Variants in FGD3 observed in about 807,000 individuals in gnomAD.
The protein encoded by FGD3 is FYVE, RhoGEF and PH domain containing 3.
FGD3 carries 45 observed loss-of-function variants against 71.8 expected under a neutral mutation model. That is an observed-to-expected ratio of 0.63 (90% CI 0.49 to 0.80). FGD3 has a LOEUF of 0.80. FGD3 is among the 30% of genes least tolerant of loss of function. The pLI, the probability that FGD3 is intolerant of heterozygous loss-of-function variation, is 0.00. For missense variants in FGD3, 844 were observed against 951.5 expected (o/e 0.89, Z 1.49); for synonymous variants, 378 against 392.8 (o/e 0.96, Z 0.44).
At chr9:92,988,175 C>T (rs1005018105) in intron 3 of FGD3, among the ~76,000 whole-genome samples, 7 of 152,188 alleles carry the variant, frequency 4.6e-5, no homozygotes, top group South Asian at 2.1e-4. Context: ...TGCCAACAGG[C>T]TCCCACCTCA....
At chr9:93,007,977 A>G (rs1034120933) in intron 6 of FGD3, among the ~76,000 whole-genome samples, 2 of 152,208 alleles carry the variant, frequency 1.3e-5, no homozygotes, top group East Asian at 3.9e-4. Flanking sequence ...ACAGGATCGC[A>G]TGACAGTCAA....
intron 14 of FGD3, among the ~76,000 whole-genome samples, chr9:93,028,413 T>G (rs1044775727): frequency 7.2e-5 from 11 of 152,026 alleles, no homozygotes; most frequent in African/African-American, 2.7e-4. Context: ...GATAAACATT[T>G]CTAGTGGCAG....
At chr9:92,948,653 T>G (rs571712395) in intron 1 of FGD3, among the ~76,000 whole-genome samples, 1 of 152,390 alleles carries the variant, frequency 6.6e-6, no homozygotes, top group South Asian at 2.1e-4. Flanking sequence ...TGTTGTGAAC[T>G]ATTAGGATGA....
At chr9:92,977,080 C>T (rs546362449) in intron 3 of FGD3, among the ~76,000 whole-genome samples, 3 of 152,270 alleles carry the variant, frequency 2.0e-5, no homozygotes, top group Non-Finnish European at 2.9e-5. Flanking sequence ...TGGGAGGAGA[C>T]GATGTGAGTG....
At chr9:93,029,592 A>T (rs1264132057) in intron 14 of FGD3, among the ~76,000 whole-genome samples, 1 of 152,228 alleles carries the variant, frequency 6.6e-6, no homozygotes, top group Non-Finnish European at 1.5e-5. Flanking sequence ...AGTTTCTCAG[A>T]TGCACCAGAT....
At chr9:93,034,200 G>T (rs761586251) in intron 16 of FGD3, 36 of 248,414 alleles carry the variant, frequency 1.4e-4, no homozygotes, top group Non-Finnish European at 2.4e-4. Flanking sequence ...GGTGTGTGTA[G>T]AACTGACACG....
intron 1 of FGD3, among the ~76,000 whole-genome samples, chr9:92,962,367 C>G (rs59834353): frequency 0.096 from 14,557 of 152,240 alleles, 974 homozygotes; most frequent in East Asian, 0.25. Context: ...CACAGGGGAC[C>G]TCTGTAGAGG....
chr9:92,986,556 C>T (rs1419076613), intron 3 of FGD3, among the ~76,000 whole-genome samples: 1 of 152,228 alleles, frequency 6.6e-6, no homozygotes, highest in Non-Finnish European at 1.5e-5. Context: ...TCCCTCTTGA[C>T]ATAAAAGAAG....
intron 14 of FGD3, among the ~76,000 whole-genome samples, chr9:93,027,759 C>T (rs1862173961): frequency 8.1e-6 from 1 of 123,290 alleles, no homozygotes; most frequent in South Asian, 2.7e-4. Context: ...TTGCTGTGCT[C>T]TCCAGGCTGG....
intron 1 of FGD3, among the ~76,000 whole-genome samples, chr9:92,956,700 T>A (rs1022727268): frequency 6.6e-6 from 1 of 152,210 alleles, no homozygotes; most frequent in African/African-American, 2.4e-5. Context: ...ATAACCAGGA[T>A]AAACTAAGAC....
intron 1 of FGD3, among the ~76,000 whole-genome samples, chr9:92,960,933 G>A (rs1434365831): frequency 1.3e-5 from 2 of 151,776 alleles, no homozygotes; most frequent in Non-Finnish European, 2.9e-5. Context: ...CTGGTGATTG[G>A]GTGCTCCCCC....
intron 1 of FGD3, among the ~76,000 whole-genome samples, chr9:92,959,692 G>A (rs1053428430): frequency 1.1e-4 from 15 of 130,932 alleles, no homozygotes; most frequent in African/African-American, 4.6e-4. Context: ...GGGCAACAGA[G>A]GGAAACTCAG....
intron 14 of FGD3, among the ~76,000 whole-genome samples, chr9:93,023,525 G>A (rs1445441309): frequency 1.3e-5 from 2 of 152,174 alleles, no homozygotes; most frequent in African/African-American, 4.8e-5. Flanking sequence ...ACACTGAAAC[G>A]AGGAAGTCTG....
At position 93,022,421 on chromosome 9, in the gene FGD3, G is replaced by A. The variant is rs1210618620; in HGVS notation, c.1557+32G>A. 5.0e-6 allele frequency: 8 copies of A among 1,606,852 alleles called. No individual in the cohort carries two copies. The African/African-American group carries it at 6.7e-5, about 13-fold the overall frequency. Reference sequence around the variant, plus strand: ...GCCCCATGCTCAGCGGTCAGCAGGGGTGAAAGGCAGAGCAGGGGGTCAGAC... The same window carrying A: ...GCCCCATGCTCAGCGGTCAGCAGGGATGAAAGGCAGAGCAGGGGGTCAGAC... On this transcript the variant is annotated intron_variant, in intron 14 of 17. Coordinates refer to ENST00000375482, the MANE Select transcript of FGD3 (RefSeq NM_001083536.2).
At position 93,003,917 on chromosome 9, in the gene FGD3, G is replaced by A; in HGVS notation, c.544-84G>A. ...GTGGCAGCAGCGGCCCCTCCCGAGC[G>A]CCCTCACCTGTGGCCGAAGCGGGGC... On this transcript the variant is annotated intron_variant, in intron 4 of 17. Transcript: ENST00000375482. This position sits in a 1 kb window ranked among gnomAD's most constrained non-coding sequence, Gnocchi z 4.1. 2 of 1,551,522 alleles carry A rather than the reference G, an allele frequency of 1.3e-6. No individual in the cohort carries two copies. Among genetic ancestry groups the A allele is most frequent in the African/African-American group, 1.4e-5 (1 of 73,762 alleles).
At chr9:93,032,050 G>C (rs1272367870) in intron 15 of FGD3, among the ~76,000 whole-genome samples, 1 of 152,192 alleles carries the variant, frequency 6.6e-6, no homozygotes, top group Non-Finnish European at 1.5e-5. Context: ...CCATGCATCT[G>C]AATCACATTC....
intron 8 of FGD3, among the ~76,000 whole-genome samples, chr9:93,012,754 A>G (rs1482758993): frequency 1.3e-5 from 2 of 151,866 alleles, no homozygotes; most frequent in African/African-American, 2.4e-5. Context: ...TGGTGCAGGA[A>G]GTGTCAATGC....
intron 1 of FGD3, among the ~76,000 whole-genome samples, chr9:92,973,982 T>C (rs10121856): frequency 0.62 from 94,065 of 152,094 alleles, 29,367 homozygotes; most frequent in African/African-American, 0.68. Flanking sequence ...AAATGGTCTC[T>C]GGGCAGTGAG....
chr9:92,948,869 C>G (rs1324978218), intron 1 of FGD3, among the ~76,000 whole-genome samples: 1 of 152,188 alleles, frequency 6.6e-6, no homozygotes, highest in Non-Finnish European at 1.5e-5. Flanking sequence ...GCCCAGGGTC[C>G]CAGCTCATTC....
Sources: gnomAD v4.1 joint callset for allele counts (sites outside exome capture counted in the v4.1 genomes callset) on GRCh38, gnomAD v4.1.1 for gene constraint, Gnocchi (gnomAD v3.1) non-coding constraint, MANE v1.5 for transcripts, NCBI Gene and HGNC (gene_info 2026-07-23, HGNC 2026-07-21) for gene names.